GABBR2: variants seen among roughly 807,000 people sequenced by gnomAD.
GABBR2 encodes the protein gamma-aminobutyric acid type B receptor subunit 2.
GABBR2 carries 23 observed loss-of-function variants against 105.6 expected under a neutral mutation model. The ratio of observed to expected loss-of-function variants is 0.22; its 90% confidence interval spans 0.16 to 0.31. GABBR2 has a LOEUF of 0.31. Among genes scored for constraint, GABBR2 ranks in the 10% least tolerant of loss-of-function variants. The pLI is 1.00. For synonymous variants in GABBR2, 478 were observed against 499.7 expected (o/e 0.96, Z 0.58); for missense variants, 734 against 1,245.5 (o/e 0.59, Z 6.18).
At chr9:98,510,190 A>T (rs1285879541) in intron 3 of GABBR2, among the ~76,000 whole-genome samples, 5 of 152,228 alleles carry the variant, frequency 3.3e-5, no homozygotes, top group Non-Finnish European at 1.5e-5. Context: ...AGTGAAGAAG[A>T]AATAAAATCC....
intron 1 of GABBR2, among the ~76,000 whole-genome samples, chr9:98,617,143 C>A (rs1829598401): frequency 6.6e-6 from 1 of 152,172 alleles, no homozygotes. Flanking sequence ...ACGATAAATT[C>A]TCTTTATGAT....
At chr9:98,317,409 C>T (rs778373403) in intron 13 of GABBR2, among the ~76,000 whole-genome samples, 3 of 152,194 alleles carry the variant, frequency 2.0e-5, no homozygotes, top group Non-Finnish European at 4.4e-5. Context: ...GCAAATATCC[C>T]GCTCTGTCCG....
intron 15 of GABBR2, 38 bp from the exon 16 acceptor site, chr9:98,303,461 GC>G (rs1830501937): frequency 6.4e-7 from 1 of 1,568,562 alleles, no homozygotes; most frequent in South Asian, 1.1e-5. Context: ...TGAAGAGAGA[GC>G]CTTGAGTCCT....
chr9:98,534,232 C>T (rs1828123786), intron 3 of GABBR2, among the ~76,000 whole-genome samples: 1 of 152,236 alleles, frequency 6.6e-6, no homozygotes, highest in South Asian at 2.1e-4. Flanking sequence ...GGCCTCACCT[C>T]AGTGGGGCCT....
chr9:98,524,060 C>A (rs1827914749), intron 3 of GABBR2, among the ~76,000 whole-genome samples: 1 of 152,042 alleles, frequency 6.6e-6, no homozygotes. Flanking sequence ...ATTTGAAGAT[C>A]CCAAAGAAAT....
intron 1 of GABBR2, among the ~76,000 whole-genome samples, chr9:98,580,605 TGGC>T (rs1029521874): frequency 2.6e-5 from 4 of 152,094 alleles, no homozygotes; most frequent in African/African-American, 9.7e-5. Flanking sequence ...CTGGACAACA[TGGC>T]GAAACCCCGT....
intron 4 of GABBR2, among the ~76,000 whole-genome samples, chr9:98,487,329 T>C (rs1326391749): frequency 1.3e-5 from 2 of 151,872 alleles, no homozygotes; most frequent in African/African-American, 4.8e-5. Context: ...TCCTATCTGG[T>C]TGGGAAAAAA....
At chr9:98,545,465 A>G (rs1828379999) in intron 2 of GABBR2, among the ~76,000 whole-genome samples, 1 of 152,138 alleles carries the variant, frequency 6.6e-6, no homozygotes, top group Non-Finnish European at 1.5e-5. Flanking sequence ...CAAAACTAAC[A>G]GACATCTGAG....
rs76319306 is a variant in GABBR2, at chr9:98,299,367, G to A, written c.2413-14C>T. 5.4e-3 allele frequency: 8,733 copies of A among 1,613,784 alleles called. 34 individuals carry two copies. The highest frequency in any genetic ancestry group is 6.2e-3 in the Non-Finnish European group (7,314 of 1,179,956). ...GTCTTTATCCAGCTACAAGACAAAG[G>A]TTCCAGTTGAGTCAGGTCCCTGGCC... On this transcript the variant is annotated splice_polypyrimidine_tract_variant and intron_variant, in intron 16 of 18. Coordinates refer to ENST00000259455, the MANE Select transcript of GABBR2 (RefSeq NM_005458.8).
chr9:98,292,031 G>C (rs1471355839), intron 18 of GABBR2, among the ~76,000 whole-genome samples: 1 of 152,204 alleles, frequency 6.6e-6, no homozygotes, highest in East Asian at 1.9e-4. Context: ...CTTAATGACT[G>C]TCATGTCACT....
At chr9:98,414,073 G>C (rs1274706328) in intron 7 of GABBR2, among the ~76,000 whole-genome samples, 3 of 152,240 alleles carry the variant, frequency 2.0e-5, no homozygotes, top group African/African-American at 7.2e-5. Context: ...CATGGTCCTA[G>C]ATTGCATGAA....
At chr9:98,337,261 C>T (rs563486838) in intron 13 of GABBR2, among the ~76,000 whole-genome samples, 2 of 152,082 alleles carry the variant, frequency 1.3e-5, no homozygotes, top group Admixed American at 6.5e-5. Flanking sequence ...GCCAAGATTG[C>T]ACCAATGCAC....
intron 7 of GABBR2, among the ~76,000 whole-genome samples, chr9:98,426,082 C>A (rs1825680101): frequency 6.6e-6 from 1 of 152,056 alleles, no homozygotes; most frequent in Non-Finnish European, 1.5e-5. Flanking sequence ...AGAAGGCTGG[C>A]ACATGAGGGG....
At chr9:98,608,676 G>T (rs1488227031) in intron 1 of GABBR2, among the ~76,000 whole-genome samples, 1 of 152,122 alleles carries the variant, frequency 6.6e-6, no homozygotes, top group African/African-American at 2.4e-5. Flanking sequence ...TGCTTACAGT[G>T]CACCTAGAGC....
intron 6 of GABBR2, among the ~76,000 whole-genome samples, chr9:98,455,072 C>T (rs1015548953): frequency 2.0e-5 from 3 of 152,296 alleles, no homozygotes; most frequent in East Asian, 3.9e-4. Flanking sequence ...CCCAGTTGCT[C>T]AGGTGTCAGG....
intron 6 of GABBR2, among the ~76,000 whole-genome samples, chr9:98,471,074 G>T (rs1826663459): frequency 6.6e-6 from 1 of 152,228 alleles, no homozygotes; most frequent in Non-Finnish European, 1.5e-5. Context: ...GAAGATCTGA[G>T]AATCTGATGG....
At chr9:98,382,376 C>T (rs56326520) in intron 11 of GABBR2, among the ~76,000 whole-genome samples, 7,559 of 152,150 alleles carry the variant, frequency 0.05, 657 homozygotes, top group African/African-American at 0.17. Context: ...TGCAGTGGCA[C>T]GATCTCGGCT....
chr9:98,463,551 AAGAT>A (rs1826464158), intron 6 of GABBR2, among the ~76,000 whole-genome samples: 1 of 150,216 alleles, frequency 6.7e-6, no homozygotes, highest in South Asian at 2.1e-4. Flanking sequence ...GGAAAAGAAA[AAGAT>A]AAAGTTTAGA....
intron 13 of GABBR2, among the ~76,000 whole-genome samples, chr9:98,359,736 G>A (rs1160120145): frequency 6.6e-6 from 1 of 152,234 alleles, no homozygotes; most frequent in African/African-American, 2.4e-5. Flanking sequence ...TGGCTGCCAT[G>A]GCTACCTGTG....
Sources: gnomAD v4.1 joint callset for allele counts (sites outside exome capture counted in the v4.1 genomes callset) on GRCh38, gnomAD v4.1.1 for gene constraint, MANE v1.5 for transcripts, NCBI Gene and HGNC (gene_info 2026-07-23, HGNC 2026-07-21) for gene names.